Variants in WDPCP observed in about 807,000 individuals in gnomAD.
WDPCP encodes the protein WD repeat-containing and planar cell polarity effector protein fritz homolog.
WDPCP carries 71 observed loss-of-function variants against 93.1 expected under a neutral mutation model. The ratio of observed to expected loss-of-function variants is 0.76; its 90% CI spans 0.63 to 0.93. The LOEUF (loss-of-function observed/expected upper bound fraction) is 0.93, where lower values mean the gene tolerates loss of function less well. Among genes scored for constraint, WDPCP ranks in the 40% least tolerant of loss-of-function variants. The pLI is 0.00. For missense variants in WDPCP, 844 were observed against 887.4 expected (o/e 0.95, Z 0.62); for synonymous variants, 315 against 315.0 (o/e 1.00, Z 0.00).
At chr2:63,324,551 T>C (rs1446019549) in intron 12 of WDPCP, among the ~76,000 whole-genome samples, 1 of 152,230 alleles carries the variant, frequency 6.6e-6, no homozygotes, top group Non-Finnish European at 1.5e-5. Flanking sequence ...ATAGATGTCC[T>C]ACAGGGTCTA....
intron 3 of WDPCP, among the ~76,000 whole-genome samples, chr2:63,598,635 T>C (rs979787479): frequency 1.3e-5 from 2 of 152,232 alleles, no homozygotes; most frequent in Non-Finnish European, 2.9e-5. Flanking sequence ...TTTTGCTTTC[T>C]GTGCACTTCA....
At chr2:63,142,460 G>A (rs1248615313) in intron 17 of WDPCP, among the ~76,000 whole-genome samples, 1 of 152,070 alleles carries the variant, frequency 6.6e-6, no homozygotes, top group African/African-American at 2.4e-5. Context: ...GTTCCTTTTG[G>A]AGTTGATTTC....
At chr2:63,137,748 G>T (rs1235132626) in intron 17 of WDPCP, among the ~76,000 whole-genome samples, 1 of 151,992 alleles carries the variant, frequency 6.6e-6, no homozygotes, top group East Asian at 1.9e-4. Context: ...CTAATGAAGG[G>T]GTCCAGTTTC....
intron 14 of WDPCP, among the ~76,000 whole-genome samples, chr2:63,225,279 T>C (rs775218058): frequency 6.8e-4 from 104 of 151,910 alleles, no homozygotes; most frequent in Non-Finnish European, 1.4e-3. Context: ...ACAAAAGATA[T>C]ATCCAAATTC....
At chr2:63,592,697 C>T (rs1709223641), upstream of WDPCP, among the ~76,000 whole-genome samples, 1 of 152,202 alleles carries the variant, frequency 6.6e-6, no homozygotes. Flanking sequence ...TTTTAAAGCA[C>T]GTTACATATG....
At chr2:63,777,188 T>C (rs959878414) in intron 2 of WDPCP, among the ~76,000 whole-genome samples, 4 of 152,218 alleles carry the variant, frequency 2.6e-5, no homozygotes, top group African/African-American at 7.2e-5. Context: ...TCCATAAATA[T>C]GTATAATTAT....
chr2:63,609,384 T>C (rs1357575856), intron 3 of WDPCP, among the ~76,000 whole-genome samples: 2 of 151,258 alleles, frequency 1.3e-5, no homozygotes, highest in Admixed American at 6.6e-5. Context: ...CAACAAAATA[T>C]ATATATATAC....
At chr2:63,471,378 C>G (rs1451156838) in intron 6 of WDPCP, among the ~76,000 whole-genome samples, 3 of 152,224 alleles carry the variant, frequency 2.0e-5, no homozygotes, top group African/African-American at 7.2e-5. Context: ...GAAGTCCCAC[C>G]AGTAACCTCT....
intron 2 of WDPCP, among the ~76,000 whole-genome samples, chr2:63,767,373 T>C (rs1670156464): frequency 6.6e-6 from 1 of 152,180 alleles, no homozygotes; most frequent in South Asian, 2.1e-4. Context: ...AGGAGTTGAA[T>C]GGGTCATTTG....
intron 9 of WDPCP, among the ~76,000 whole-genome samples, chr2:63,415,427 ATAG>A (rs1695347287): frequency 6.6e-6 from 1 of 152,106 alleles, no homozygotes; most frequent in South Asian, 2.1e-4. Flanking sequence ...ACCAATAATA[ATAG>A]TAGTAAGCAA....
At chr2:63,736,472 G>A (rs1669641682) in intron 2 of WDPCP, among the ~76,000 whole-genome samples, 1 of 152,200 alleles carries the variant, frequency 6.6e-6, no homozygotes, top group Non-Finnish European at 1.5e-5. Flanking sequence ...AGGTCTTACA[G>A]AGAACTTGTG....
intron 1 of WDPCP, among the ~76,000 whole-genome samples, chr2:63,586,380 T>C (rs1708845502): frequency 2.6e-5 from 4 of 152,252 alleles, no homozygotes. Context: ...AACAGTTTAA[T>C]GCTCTGTTTG....
chr2:63,385,253 C>T (rs9808380), intron 10 of WDPCP, among the ~76,000 whole-genome samples: 85,377 of 151,778 alleles, frequency 0.56, 24,359 homozygotes, highest in Admixed American at 0.64. Flanking sequence ...TCCTCTCTTA[C>T]CATTTCTATT....
chr2:63,790,033 A>G (rs1477301527), intron 2 of WDPCP, among the ~76,000 whole-genome samples: 1 of 152,182 alleles, frequency 6.6e-6, no homozygotes, highest in Non-Finnish European at 1.5e-5. Context: ...AAATTTCTAG[A>G]TTGCTTCATC....
chr2:63,311,361 T>C (rs995902263), intron 13 of WDPCP, among the ~76,000 whole-genome samples: 1 of 152,140 alleles, frequency 6.6e-6, no homozygotes, highest in Non-Finnish European at 1.5e-5. Context: ...AATGAATCTA[T>C]TAAAAAAATA....
intron 1 of WDPCP, among the ~76,000 whole-genome samples, chr2:63,822,787 G>C (rs974613270): frequency 6.6e-6 from 1 of 152,006 alleles, no homozygotes; most frequent in East Asian, 1.9e-4. Context: ...TCAGGAGGCT[G>C]AAGTGGGAGG....
chr2:63,210,235 A>C (rs1342849900), intron 14 of WDPCP, among the ~76,000 whole-genome samples: 1 of 152,146 alleles, frequency 6.6e-6, no homozygotes, highest in Non-Finnish European at 1.5e-5. Context: ...TCTGAAGAGA[A>C]GACTGGATGA....
chr2:63,806,362 T>G lies in WDPCP; in HGVS notation n.308+7260A>C, dbSNP rs547846590. ...TAGGGAGTTTCAGAAGGGGAGGGAGTGTGCGAATAGGTGTGGGTCACAGGC... is the reference window on the plus strand; with the variant it reads ...TAGGGAGTTTCAGAAGGGGAGGGAGGGTGCGAATAGGTGTGGGTCACAGGC... On this transcript the variant is annotated intron_variant and non_coding_transcript_variant, in intron 2 of 4. Coordinates refer to the WDPCP transcript ENST00000467687. Among the ~76,000 whole-genome samples, 17 of 150,218 alleles carry G rather than the reference T, an allele frequency of 1.1e-4. No homozygotes were observed. The East Asian group carries it at 2.0e-3, about 17-fold the overall frequency.
At chr2:63,552,836 T>A (rs1330301778) in intron 1 of WDPCP, among the ~76,000 whole-genome samples, 1 of 152,186 alleles carries the variant, frequency 6.6e-6, no homozygotes, top group Non-Finnish European at 1.5e-5. Context: ...TAGCAAACTT[T>A]TAGAAAATAA....
Sources: gnomAD v4.1 joint callset for allele counts (sites outside exome capture counted in the v4.1 genomes callset) on GRCh38, gnomAD v4.1.1 for gene constraint, MANE v1.5 for transcripts, NCBI Gene and HGNC (gene_info 2026-07-23, HGNC 2026-07-21) for gene names.